Variants in AFG2A observed in about 807,000 individuals in gnomAD.
AFG2A encodes the protein AAA ATPase AFG2A.
At chr4:123,042,804 G>T in the AFG2A span, among the ~76,000 whole-genome samples, 1 of 152,116 alleles carries the variant, frequency 6.6e-6, no homozygotes, top group African/African-American at 2.4e-5. Context: ...TATAGTTTAA[G>T]TTCTTACATC....
chr4:123,077,683 T>C, the AFG2A span, among the ~76,000 whole-genome samples: 1 of 152,198 alleles, frequency 6.6e-6, no homozygotes, highest in African/African-American at 2.4e-5. Context: ...CTCAGATCTT[T>C]TATCTTGGGC....
the AFG2A span, among the ~76,000 whole-genome samples, chr4:122,951,159 A>G: frequency 6.6e-6 from 1 of 152,278 alleles, no homozygotes; most frequent in Middle Eastern, 3.4e-3. Flanking sequence ...GTCCTTCTAC[A>G]TGTCAGGGCA....
chr4:123,115,036 G>A, the AFG2A span, among the ~76,000 whole-genome samples: 6 of 152,276 alleles, frequency 3.9e-5, no homozygotes, highest in East Asian at 1.9e-4. Context: ...TTGAGGACAT[G>A]GGACACAGGA....
At chr4:122,963,113 C>G in the AFG2A span, among the ~76,000 whole-genome samples, 1 of 152,098 alleles carries the variant, frequency 6.6e-6, no homozygotes, top group Non-Finnish European at 1.5e-5. Context: ...AGGTACTGCA[C>G]TAGATGGTGG....
At chr4:122,973,227 C>T in the AFG2A span, among the ~76,000 whole-genome samples, 1 of 152,050 alleles carries the variant, frequency 6.6e-6, no homozygotes, top group African/African-American at 2.4e-5. Flanking sequence ...ATGTATATTT[C>T]ATTCTGTGTA....
the AFG2A span, among the ~76,000 whole-genome samples, chr4:123,305,229 T>C: frequency 6.6e-6 from 1 of 152,178 alleles, no homozygotes. Flanking sequence ...CCTTCCACCT[T>C]TCTTTGAGGA....
the AFG2A span, among the ~76,000 whole-genome samples, chr4:123,070,538 C>G: frequency 6.6e-6 from 1 of 152,172 alleles, no homozygotes; most frequent in African/African-American, 2.4e-5. Flanking sequence ...CATCTTCTCA[C>G]TGTGTCCTCA....
chr4:123,234,625 C>T, the AFG2A span, among the ~76,000 whole-genome samples: 1 of 152,098 alleles, frequency 6.6e-6, no homozygotes, highest in Non-Finnish European at 1.5e-5. Context: ...CTGTGATTCT[C>T]TAATTATCTT....
chr4:123,062,033 G>A, the AFG2A span, among the ~76,000 whole-genome samples: 1 of 152,188 alleles, frequency 6.6e-6, no homozygotes, highest in Admixed American at 6.5e-5. Context: ...AAGGCACTTT[G>A]TAGTAATATC....
the AFG2A span, among the ~76,000 whole-genome samples, chr4:123,187,951 TCATAC>T: frequency 6.7e-6 from 1 of 150,218 alleles, no homozygotes; most frequent in African/African-American, 2.5e-5. Context: ...TGAGCCATGA[TCATAC>T]CACTGTACTT....
the AFG2A span, among the ~76,000 whole-genome samples, chr4:123,312,691 T>C: frequency 1.3e-5 from 2 of 152,212 alleles, no homozygotes; most frequent in African/African-American, 4.8e-5. Flanking sequence ...GCCACCCTCT[T>C]TTTTCAGAAA....
At chr4:122,976,169 C>T in the AFG2A span, among the ~76,000 whole-genome samples, 1 of 152,126 alleles carries the variant, frequency 6.6e-6, no homozygotes, top group African/African-American at 2.4e-5. Flanking sequence ...TCCAGGATAA[C>T]TTTAGATATT....
chr4:123,195,140 A>G, the AFG2A span, among the ~76,000 whole-genome samples: 1 of 152,206 alleles, frequency 6.6e-6, no homozygotes. Context: ...CATGCCAGTT[A>G]GTCAATTAAA....
chr4:122,936,786 C>T, the AFG2A span, among the ~76,000 whole-genome samples: 32 of 152,128 alleles, frequency 2.1e-4, no homozygotes, highest in African/African-American at 7.5e-4. Context: ...TTGAGACCAG[C>T]CTGGCTAACA....
the AFG2A span, among the ~76,000 whole-genome samples, chr4:122,999,492 G>T: frequency 6.6e-6 from 1 of 152,086 alleles, no homozygotes; most frequent in Non-Finnish European, 1.5e-5. Context: ...TGTATAAGGT[G>T]TAAGGAAGGG....
the AFG2A span, among the ~76,000 whole-genome samples, chr4:123,260,979 C>T: frequency 6.6e-6 from 1 of 152,200 alleles, no homozygotes; most frequent in Admixed American, 6.5e-5. Flanking sequence ...TGGCATTAGA[C>T]TCTCATAGGA....
chr4:122,970,421 G>A, the AFG2A span, among the ~76,000 whole-genome samples: 37 of 151,242 alleles, frequency 2.4e-4, no homozygotes, highest in Admixed American at 2.4e-3. Flanking sequence ...CTCTCAGAAT[G>A]TATCCCTGTC....
At chr4:123,188,830 A>G in the AFG2A span, among the ~76,000 whole-genome samples, 1 of 152,224 alleles carries the variant, frequency 6.6e-6, no homozygotes, top group South Asian at 2.1e-4. Context: ...ATTGGGCCCG[A>G]GAATTCTATA....
chr4:123,211,595 CTT>C, the AFG2A span, among the ~76,000 whole-genome samples: 1 of 152,130 alleles, frequency 6.6e-6, no homozygotes, highest in Non-Finnish European at 1.5e-5. Context: ...TGATTGAAAT[CTT>C]TTAAAACTTT....
Sources: allele counts gnomAD v4.1 joint callset (sites outside exome capture counted in the v4.1 genomes callset), GRCh38; gene constraint gnomAD v4.1.1; transcripts MANE v1.5; gene names NCBI Gene and HGNC (gene_info 2026-07-23, HGNC 2026-07-21).